The following THOC7 variants were observed in gnomAD, a reference collection of about 807,000 sequenced individuals.
THOC7 encodes NIF3L1-binding protein 1.
In THOC7, 22 loss-of-function variants were observed where a neutral mutation model predicts 33.1. The ratio of observed to expected loss-of-function variants is 0.66; its 90% CI spans 0.47 to 0.95. The LOEUF (loss-of-function observed/expected upper bound fraction) is 0.95. Ranked by LOEUF, THOC7 falls within the 40% of genes least tolerant of loss-of-function variation. THOC7 has a pLI of 0.00. For missense variants in THOC7, 184 were observed against 245.3 expected, an observed-to-expected ratio of 0.75 and a Z score of 1.67; for synonymous variants, 77 against 76.8, an observed-to-expected ratio of 1.00 and a Z score of -0.01.
At chr3:63,843,304 G>A (rs959389551) in intron 1 of THOC7, among the ~76,000 whole-genome samples, 2 of 151,748 alleles carry the variant, frequency 1.3e-5, no homozygotes, top group African/African-American at 4.8e-5. Flanking sequence ...TTCCAGTAGA[G>A]ATGGGGTTTA....
chr3:63,838,484 T>TAC lies in THOC7; in HGVS notation c.152_153insGT (p.Arg52TyrfsTer4). The TAC allele has an allele frequency of 6.2e-7, 1 of 1,607,020 alleles. No homozygotes were observed. The highest frequency in any genetic ancestry group is 8.5e-7 in the Non-Finnish European group (1 of 1,178,200). On this transcript the variant is annotated frameshift_variant, in exon 3 of 8. Transcript: ENST00000295899. LOFTEE classifies it high-confidence loss of function. ...ATTGAGACAGCGTGCTCAGCATACG[T>TAC]TGGTACTGGCTATATCTAATGAAAA...
intron 4 of THOC7, among the ~76,000 whole-genome samples, chr3:63,837,675 T>C (rs1287483253): frequency 6.6e-6 from 1 of 151,874 alleles, no homozygotes; most frequent in Non-Finnish European, 1.5e-5. Flanking sequence ...TAACATTATT[T>C]AGGCAAAAGG....
intron 1 of THOC7, among the ~76,000 whole-genome samples, chr3:63,844,611 C>A (rs974247902): frequency 9.9e-5 from 15 of 152,154 alleles, no homozygotes; most frequent in African/African-American, 3.6e-4. Context: ...CCCTGATGAA[C>A]AGGCTTATGC....
rs1376255700 is a variant in THOC7 at position 63,838,438 on chromosome 3, T to G, written c.199A>C (p.Thr67Pro). Residue 67 changes from threonine (T) to proline (P), a missense_variant, in exon 3 of 8, where the codon ACT becomes CCT. Coordinates refer to ENST00000295899, the MANE Select transcript of THOC7 (RefSeq NM_025075.4). Reference protein sequence around the residue: ...LSQCEFSMGKTLLVYDMNLRE... With the variant: ...LSQCEFSMGKPLLVYDMNLRE... ...AGATTCATATCATATACTAGTAAAG[T>G]TTTGCCCATTGAAAATTCACATTGA... 5 of 1,609,318 alleles carry G rather than the reference T, an allele frequency of 3.1e-6. No individual in the cohort carries two copies. The South Asian group carries it at 5.5e-5, about 18-fold the overall frequency.
At chr3:63,844,166 G>A (rs921447286) in intron 1 of THOC7, among the ~76,000 whole-genome samples, 1 of 152,192 alleles carries the variant, frequency 6.6e-6, no homozygotes, top group African/African-American at 2.4e-5. Context: ...CACAGAAATA[G>A]AGAGTATAAT....
chr3:63,863,508 T>C, intron 1 of THOC7: 8 of 1,185,502 alleles, frequency 6.7e-6, no homozygotes, highest in Non-Finnish European at 8.3e-6. Flanking sequence ...GCACACCCTA[T>C]AGCCCCGCGC....
At position 63,863,794 on chromosome 3, in the gene THOC7, G is replaced by T; in HGVS notation, c.-4C>A. On this transcript the variant is annotated 5_prime_UTR_variant, in exon 1 of 8. Transcript: ENST00000295899. Reference sequence around the variant, plus strand: ...CACCGTCAGTCACGGCTCCCATGGCGTGCGCGGCGGCGGCGGCGGCGGCGG... The same window carrying T: ...CACCGTCAGTCACGGCTCCCATGGCTTGCGCGGCGGCGGCGGCGGCGGCGG... The T allele has an allele frequency of 3.2e-6, 4 of 1,250,044 alleles. No individual in the cohort carries two copies. The highest frequency in any genetic ancestry group is 3.2e-5 in the East Asian group (1 of 31,536). 77.4% of individuals were successfully genotyped at this position (1,250,044 alleles called of 1,614,324 possible).
At chr3:63,856,026 T>C (rs910817984) in intron 1 of THOC7, among the ~76,000 whole-genome samples, 2 of 152,222 alleles carry the variant, frequency 1.3e-5, no homozygotes, top group Non-Finnish European at 2.9e-5. Flanking sequence ...TACGCGAATA[T>C]ATCTATGCAA....
At chr3:63,847,371 A>T (rs1458139486) in intron 1 of THOC7, among the ~76,000 whole-genome samples, 1 of 152,172 alleles carries the variant, frequency 6.6e-6, no homozygotes, top group Non-Finnish European at 1.5e-5. Context: ...TTTGGTTCTA[A>T]TGCCTTTTAT....
intron 7 of THOC7, 145 bp from the exon 8 acceptor site, chr3:63,834,344 T>A: frequency 1.3e-6 from 1 of 763,762 alleles, no homozygotes; most frequent in Non-Finnish European, 2.0e-6. Flanking sequence ...TTAAAATTTA[T>A]GTGATAGACT....
chr3:63,860,251 C>G (rs1422672791), intron 1 of THOC7, among the ~76,000 whole-genome samples: 1 of 152,086 alleles, frequency 6.6e-6, no homozygotes, highest in East Asian at 1.9e-4. Flanking sequence ...TGCTGTGTTG[C>G]TTAGGATGGT....
rs148103686 is a variant in THOC7, at chr3:63,834,065, C to T, written c.*67G>A. On this transcript the variant is annotated 3_prime_UTR_variant, in exon 8 of 8. Coordinates refer to ENST00000295899, the MANE Select transcript of THOC7 (RefSeq NM_025075.4). ...CTTTAAATATCTCAAGAGCATACCACATTTTAAACACATTATGGTCATGTA... is the reference window on the plus strand; with the variant it reads ...CTTTAAATATCTCAAGAGCATACCATATTTTAAACACATTATGGTCATGTA... 38 of 1,518,206 alleles carry T rather than the reference C, an allele frequency of 2.5e-5. No individual in the cohort carries two copies. In the East Asian group the frequency reaches 8.4e-4, roughly 34 times the overall value. 94.0% of individuals were successfully genotyped at this position (1,518,206 alleles called of 1,614,324 possible).
chr3:63,837,796 T>C (rs1701664664), intron 4 of THOC7, among the ~76,000 whole-genome samples, 180 bp downstream of exon 4: 1 of 152,046 alleles, frequency 6.6e-6, no homozygotes, highest in Non-Finnish European at 1.5e-5. Flanking sequence ...AAAACATTCT[T>C]CTCAACACAG....
intron 1 of THOC7, among the ~76,000 whole-genome samples, chr3:63,843,758 A>G (rs1392294047): frequency 6.6e-6 from 1 of 152,176 alleles, no homozygotes; most frequent in African/African-American, 2.4e-5. Flanking sequence ...AATATTAGCC[A>G]GGCATGGTGG....
Position 63,834,002 on chromosome 3 carries a change from A to G in THOC7, c.*130T>C, listed in dbSNP as rs1046827178. 6 of 775,292 alleles carry G rather than the reference A, an allele frequency of 7.7e-6. No individual in the cohort carries two copies. Among genetic ancestry groups the G allele is most frequent in the African/African-American group, 3.6e-5 (2 of 56,274 alleles). The allele number at this position is 775,292 out of a possible 1,614,324, so 48.0% of individuals were successfully genotyped here. On this transcript the variant is annotated 3_prime_UTR_variant, in exon 8 of 8. Transcript: ENST00000295899. ...TTGTGAGAGGAAATATGAATGAAAT[A>G]CATTCATACTTAAAAACAGAGTATT...
chr3:63,834,321 G>T, intron 7 of THOC7, 122 bp from the exon 8 acceptor site: 1 of 876,578 alleles, frequency 1.1e-6, no homozygotes, highest in Non-Finnish European at 1.7e-6. Flanking sequence ...ATGGCTACTA[G>T]TTGAATCAAA....
intron 1 of THOC7, among the ~76,000 whole-genome samples, chr3:63,850,464 G>A (rs1701996690): frequency 6.6e-6 from 1 of 151,552 alleles, no homozygotes; most frequent in East Asian, 1.9e-4. Flanking sequence ...GCCTCCCAAA[G>A]TGCTGGGATT....
At chr3:63,838,523 A>G in intron 2 of THOC7, 24 bp from the exon 3 acceptor site, 1 of 1,575,618 alleles carries the variant, frequency 6.3e-7, no homozygotes, top group Non-Finnish European at 8.6e-7. Flanking sequence ...AAGAAAACCA[A>G]AATAAAGATA....
intron 1 of THOC7, chr3:63,845,963 G>C (rs1047664473): frequency 6.0e-6 from 1 of 167,794 alleles, no homozygotes; most frequent in Non-Finnish European, 1.3e-5. Flanking sequence ...CTCGAACCCC[G>C]AGCCTCCCAA....
Sources: allele counts gnomAD v4.1 joint callset (sites outside exome capture counted in the v4.1 genomes callset), GRCh38; gene constraint gnomAD v4.1.1; transcripts MANE v1.5; gene names NCBI Gene and HGNC (gene_info 2026-07-23, HGNC 2026-07-21).